The following NTRK3 variants were observed in gnomAD, a reference collection of about 807,000 sequenced individuals.
NTRK3 encodes the protein neurotrophic receptor tyrosine kinase 3.
NTRK3 carries 24 observed loss-of-function variants against 91.7 expected under a neutral mutation model. That is an observed-to-expected ratio of 0.26 (90% CI 0.19 to 0.37). The LOEUF is 0.37. Ranked by LOEUF, NTRK3 falls within the 10% of genes least tolerant of loss-of-function variation. The pLI is 1.00. For synonymous variants in NTRK3, 483 were observed against 404.0 expected, an observed-to-expected ratio of 1.20 and a Z score of -2.34; for missense variants, 880 against 1,068.9, an observed-to-expected ratio of 0.82 and a Z score of 2.46.
At chr15:88,166,586 G>A (rs139416007) in intron 5 of NTRK3, among the ~76,000 whole-genome samples, 1 of 152,208 alleles carries the variant, frequency 6.6e-6, no homozygotes, top group Non-Finnish European at 1.5e-5. Flanking sequence ...AACCATGGAG[G>A]CTGGGAGTTG....
intron 13 of NTRK3, 28 bp downstream of exon 13, chr15:88,126,243 G>A (rs566437870): frequency 4.0e-5 from 58 of 1,464,980 alleles, no homozygotes; most frequent in South Asian, 2.3e-4. Flanking sequence ...CCCCCATGAC[G>A]CCCTTGAAAA....
intron 13 of NTRK3, among the ~76,000 whole-genome samples, chr15:88,110,361 C>T (rs2051201759): frequency 6.6e-6 from 1 of 152,180 alleles, no homozygotes; most frequent in African/African-American, 2.4e-5. Context: ...AAGGCAAGAG[C>T]TGTTGGATGG....
chr15:88,166,607 A>T (rs1305769441), intron 5 of NTRK3, among the ~76,000 whole-genome samples: 1 of 152,156 alleles, frequency 6.6e-6, no homozygotes, highest in East Asian at 1.9e-4. Context: ...AGTAAGCAAA[A>T]ATGGTAGTAT....
chr15:88,006,304 G>A (rs572806042), intron 14 of NTRK3, among the ~76,000 whole-genome samples: 45 of 152,198 alleles, frequency 3.0e-4, no homozygotes, highest in Admixed American at 1.0e-3. Flanking sequence ...ACACAGGGAT[G>A]AAACTTCTGC....
chr15:88,102,539 T>C (rs1359708197), intron 13 of NTRK3, among the ~76,000 whole-genome samples: 1 of 152,074 alleles, frequency 6.6e-6, no homozygotes, highest in East Asian at 1.9e-4. Flanking sequence ...AAATGATAAA[T>C]GGTTGAGTCG....
chr15:88,112,999 G>A (rs910802908), intron 13 of NTRK3, among the ~76,000 whole-genome samples: 5 of 152,112 alleles, frequency 3.3e-5, no homozygotes, highest in African/African-American at 1.2e-4. Context: ...CGATGCCCTG[G>A]GAAGAGATTT....
intron 11 of NTRK3, 94 bp downstream of exon 11, chr15:88,128,617 T>A: frequency 7.7e-7 from 1 of 1,302,656 alleles, no homozygotes; most frequent in Non-Finnish European, 1.1e-6. Flanking sequence ...GGGCCAGGGA[T>A]GATGTGGAAT....
chr15:87,959,086 A>G (rs1280857137), intron 14 of NTRK3, among the ~76,000 whole-genome samples: 1 of 151,318 alleles, frequency 6.6e-6, no homozygotes, highest in Non-Finnish European at 1.5e-5. Context: ...GAGCCATGAC[A>G]GCAGCCACTA....
intron 13 of NTRK3, among the ~76,000 whole-genome samples, chr15:88,118,957 G>T (rs767577361): frequency 3.3e-5 from 5 of 152,208 alleles, no homozygotes; most frequent in Non-Finnish European, 7.3e-5. Flanking sequence ...CCTTGGCCCT[G>T]CTGAACAGGA....
intron 3 of NTRK3, among the ~76,000 whole-genome samples, chr15:88,204,064 A>G (rs1721648871): frequency 6.6e-6 from 1 of 152,056 alleles, no homozygotes; most frequent in South Asian, 2.1e-4. Flanking sequence ...CCAGTGTGTG[A>G]TGTTCCTCTC....
chr15:88,114,672 A>G (rs551328517), intron 13 of NTRK3, among the ~76,000 whole-genome samples: 5 of 152,352 alleles, frequency 3.3e-5, no homozygotes, highest in East Asian at 1.9e-4. Flanking sequence ...ACAGGGAAAC[A>G]TATCCTTGCA....
intron 3 of NTRK3, among the ~76,000 whole-genome samples, chr15:88,246,458 G>T (rs2052836081): frequency 6.6e-6 from 1 of 152,150 alleles, no homozygotes; most frequent in South Asian, 2.1e-4. Context: ...GCAGGGAGAG[G>T]GGAGAGATTC....
Position 88,243,339 on chromosome 15 carries a change from C to T in NTRK3, c.248+12567G>A, listed in dbSNP as rs1208378495. Among the ~76,000 whole-genome samples, 3 of 152,094 alleles carry T rather than the reference C, an allele frequency of 2.0e-5. No individual in the cohort carries two copies. The highest frequency in any genetic ancestry group is 7.2e-5 in the African/African-American group (3 of 41,400). ...ATATTAAATAACTTCCTGAGCCTGGCCCGTCTGCCAACGCTCCCTCCTGGA... is the reference window on the plus strand; with the variant it reads ...ATATTAAATAACTTCCTGAGCCTGGTCCGTCTGCCAACGCTCCCTCCTGGA... On this transcript the variant is annotated intron_variant, in intron 3 of 18. Coordinates refer to ENST00000394480, the Ensembl canonical transcript of NTRK3. This position sits in a 1 kb window ranked among gnomAD's most constrained non-coding sequence, Gnocchi z 4.8.
At chr15:87,933,618 C>T (rs914133879) in intron 15 of NTRK3, among the ~76,000 whole-genome samples, 2 of 152,256 alleles carry the variant, frequency 1.3e-5, no homozygotes, top group African/African-American at 4.8e-5. Flanking sequence ...GTGAATTAGT[C>T]ACATGCTCAT....
Position 88,009,001 on chromosome 15 carries a change from T to C in NTRK3, c.1585+23856A>G, listed in dbSNP as rs956755495. 1.4e-4 allele frequency among the ~76,000 whole-genome samples: 21 copies of C among 152,270 alleles called. No homozygotes were observed. In the East Asian group the frequency reaches 3.7e-3, roughly 27 times the overall value. On this transcript the variant is annotated intron_variant, in intron 14 of 18. Coordinates refer to ENST00000394480, the Ensembl canonical transcript of NTRK3. ...TACTCTCAGGTTAAAGAAGAACAGA[T>C]TCCTGATTTTGTTTTCTTTCTGCCT... is the stretch of plus-strand genomic sequence containing the variant.
chr15:87,893,277 T>G (rs2065940174), intron 17 of NTRK3, among the ~76,000 whole-genome samples: 1 of 152,182 alleles, frequency 6.6e-6, no homozygotes, highest in Admixed American at 6.5e-5. Flanking sequence ...CCTCCAGCCC[T>G]GGGATGCCTA....
chr15:87,987,029 T>G (rs905232298), intron 14 of NTRK3, among the ~76,000 whole-genome samples: 1 of 152,242 alleles, frequency 6.6e-6, no homozygotes, highest in Middle Eastern at 3.2e-3. Flanking sequence ...TTACTCAAAG[T>G]GCAGGCAAGT....
intron 17 of NTRK3, chr15:87,928,240 A>G (rs1377143170): frequency 6.6e-6 from 1 of 152,122 alleles, no homozygotes; most frequent in Non-Finnish European, 1.5e-5. Flanking sequence ...CAGCCTCCCA[A>G]AGTGCTGGGA....
intron 14 of NTRK3, among the ~76,000 whole-genome samples, chr15:87,943,211 C>T (rs780336898): frequency 5.9e-5 from 9 of 152,154 alleles, no homozygotes; most frequent in Non-Finnish European, 1.3e-4. Flanking sequence ...CACCAGAACA[C>T]GGCTTCTTTG....
Sources: allele counts gnomAD v4.1 joint callset (sites outside exome capture counted in the v4.1 genomes callset), GRCh38; gene constraint gnomAD v4.1.1; non-coding constraint Gnocchi (gnomAD v3.1); transcripts MANE v1.5; gene names NCBI Gene and HGNC (gene_info 2026-07-23, HGNC 2026-07-21).